CSMD1: variants seen among roughly 807,000 people sequenced by gnomAD.
The protein encoded by CSMD1 is CUB and Sushi multiple domains 1, also known as CUB and sushi domain-containing protein 1.
Under a neutral mutation model 417.5 loss-of-function variants are expected in CSMD1, and 213 were observed. The observed-to-expected ratio is 0.51, with a 90% confidence interval of 0.46 to 0.57. CSMD1 has a LOEUF of 0.57. Among genes scored for constraint, CSMD1 ranks in the 20% least tolerant of loss-of-function variants. CSMD1 has a pLI of 0.00. For synonymous variants in CSMD1, 2,862 were observed against 1,736.8 expected, an observed-to-expected ratio of 1.65 and a Z score of -16.11; for missense variants, 6,923 against 4,529.7, an observed-to-expected ratio of 1.53 and a Z score of -15.17.
At chr8:4,442,773 T>C (rs1248437997) in intron 2 of CSMD1, among the ~76,000 whole-genome samples, 2 of 152,204 alleles carry the variant, frequency 1.3e-5, no homozygotes, top group Non-Finnish European at 1.5e-5. Context: ...AAGACAGTAA[T>C]GGTCTGTGAT....
intron 49 of CSMD1, among the ~76,000 whole-genome samples, chr8:3,084,536 A>AAAG (rs1225868146): frequency 1.6e-4 from 25 of 151,906 alleles, no homozygotes; most frequent in Non-Finnish European, 3.4e-4. Context: ...AAAAAAAAAA[A>AAAG]AAAAAAATCT....
intron 3 of CSMD1, among the ~76,000 whole-genome samples, chr8:4,370,825 T>G (rs77979752): frequency 6.6e-6 from 1 of 152,196 alleles, no homozygotes; most frequent in Non-Finnish European, 1.5e-5. Context: ...TTCCAACTCT[T>G]AGATCATTTT....
chr8:4,950,415 G>A (rs575508592), intron 1 of CSMD1, among the ~76,000 whole-genome samples: 1 of 151,058 alleles, frequency 6.6e-6, no homozygotes, highest in Non-Finnish European at 1.5e-5. Context: ...AGCGTTTTTA[G>A]ATTCTTTTAT....
chr8:3,577,080 A>C (rs1176233449), intron 9 of CSMD1, among the ~76,000 whole-genome samples: 1 of 152,188 alleles, frequency 6.6e-6, no homozygotes, highest in Non-Finnish European at 1.5e-5. Flanking sequence ...CCTACTGACA[A>C]GGTGGGCTCA....
chr8:2,999,401 G>A (rs1172603055), intron 53 of CSMD1, among the ~76,000 whole-genome samples: 1 of 152,066 alleles, frequency 6.6e-6, no homozygotes, highest in African/African-American at 2.4e-5. Context: ...TGATCCACCT[G>A]CCTCAGCCTC....
chr8:4,724,443 A>C (rs1032979324), intron 1 of CSMD1, among the ~76,000 whole-genome samples: 9 of 152,038 alleles, frequency 5.9e-5, no homozygotes, highest in African/African-American at 2.2e-4. Context: ...ACAGATTCAA[A>C]TATAATATTT....
chr8:3,396,509 T>C, intron 16 of CSMD1, 128 bp from the exon 17 acceptor site: 4 of 643,306 alleles, frequency 6.2e-6, no homozygotes, highest in East Asian at 2.9e-5. Context: ...TGAAATTACA[T>C]ATGCTTAAAA....
In CSMD1 at chr8:3,956,418, G is replaced by A. The variant is rs144945906; in HGVS notation, c.818+41485C>T. ...AGCCCAGAAGTCTAACTGGAGGCAT[G>A]TATGTTTAGCCACTATGCTGTTGCC... On this transcript the variant is annotated intron_variant, in intron 5 of 69. Transcript: ENST00000635120. 3.3e-4 allele frequency among the ~76,000 whole-genome samples: 50 copies of A among 152,278 alleles called. No individual in the cohort carries two copies. The East Asian group carries it at 7.4e-3, about 22-fold the overall frequency.
At chr8:4,030,893 C>T (rs1287939607) in intron 4 of CSMD1, among the ~76,000 whole-genome samples, 2 of 152,176 alleles carry the variant, frequency 1.3e-5, no homozygotes, top group African/African-American at 4.8e-5. Flanking sequence ...CTCTCAAGTT[C>T]AAAGTTCCAC....
At chr8:4,416,613 T>C (rs1297347551) in intron 3 of CSMD1, among the ~76,000 whole-genome samples, 4 of 152,066 alleles carry the variant, frequency 2.6e-5, no homozygotes, top group Non-Finnish European at 1.5e-5. Flanking sequence ...AGAATTCCTT[T>C]TTAAAATCTA....
intron 3 of CSMD1, among the ~76,000 whole-genome samples, chr8:4,124,934 C>A (rs1188578001): frequency 6.6e-6 from 1 of 152,140 alleles, no homozygotes; most frequent in Non-Finnish European, 1.5e-5. Context: ...CCAGAAACAG[C>A]AACTCTTCCG....
At chr8:3,134,186 A>G (rs1817949518) in intron 41 of CSMD1, among the ~76,000 whole-genome samples, 1 of 152,086 alleles carries the variant, frequency 6.6e-6, no homozygotes, top group African/African-American at 2.4e-5. Context: ...AACAAGAAAA[A>G]AAAGAGAAAA....
At chr8:3,370,618 G>T (rs1809885668) in intron 18 of CSMD1, among the ~76,000 whole-genome samples, 1 of 152,208 alleles carries the variant, frequency 6.6e-6, no homozygotes, top group Admixed American at 6.5e-5. Context: ...ACTGAGTGAA[G>T]ATTTGCTTTC....
At chr8:3,691,237 A>G (rs1217168706) in intron 7 of CSMD1, among the ~76,000 whole-genome samples, 3 of 152,002 alleles carry the variant, frequency 2.0e-5, no homozygotes, top group Non-Finnish European at 2.9e-5. Flanking sequence ...GCACGGTAAC[A>G]GGCACCTGTA....
intron 3 of CSMD1, among the ~76,000 whole-genome samples, chr8:4,050,523 G>A (rs73658550): frequency 6.6e-6 from 1 of 151,810 alleles, no homozygotes. Flanking sequence ...CATCCTGGAG[G>A]GGTAAATCTT....
intron 3 of CSMD1, among the ~76,000 whole-genome samples, chr8:4,199,394 A>G (rs1022896325): frequency 6.6e-6 from 1 of 152,202 alleles, no homozygotes; most frequent in African/African-American, 2.4e-5. Context: ...GGTGGAGTGA[A>G]AAGAATGGAT....
At chr8:4,631,241 A>G (rs1248138865) in intron 2 of CSMD1, among the ~76,000 whole-genome samples, 1 of 152,152 alleles carries the variant, frequency 6.6e-6, no homozygotes, top group Non-Finnish European at 1.5e-5. Flanking sequence ...ATGTGCCTGT[A>G]GTCCCAGCTA....
At chr8:4,673,409 C>T (rs928181729) in intron 1 of CSMD1, among the ~76,000 whole-genome samples, 6 of 152,142 alleles carry the variant, frequency 3.9e-5, no homozygotes, top group Admixed American at 3.3e-4. Flanking sequence ...TAAGGATTAT[C>T]CTCCTTTCCA....
At chr8:3,158,520 C>A (rs911348878) in intron 38 of CSMD1, among the ~76,000 whole-genome samples, 1 of 152,114 alleles carries the variant, frequency 6.6e-6, no homozygotes, top group Non-Finnish European at 1.5e-5. Context: ...GACATCCTCA[C>A]ACATCACAAC....
Sources: gnomAD v4.1 joint callset for allele counts (sites outside exome capture counted in the v4.1 genomes callset) on GRCh38, gnomAD v4.1.1 for gene constraint, MANE v1.5 for transcripts, NCBI Gene and HGNC (gene_info 2026-07-23, HGNC 2026-07-21) for gene names.